The following SEZ6L variants were observed in gnomAD, a reference collection of about 807,000 sequenced individuals.
SEZ6L encodes the protein seizure related 6 homolog like, also known as seizure 6-like protein.
A neutral mutation model predicts 106.2 loss-of-function variants in SEZ6L; 37 were observed. The ratio of observed to expected loss-of-function variants is 0.35; its 90% confidence interval spans 0.27 to 0.46. The LOEUF is 0.46. Among genes scored for constraint, SEZ6L ranks in the 20% least tolerant of loss-of-function variants. SEZ6L has a pLI of 1.00. For synonymous variants in SEZ6L, 541 were observed against 570.4 expected (o/e 0.95, Z 0.73); for missense variants, 1,172 against 1,332.8 (o/e 0.88, Z 1.88).
intron 1 of SEZ6L, among the ~76,000 whole-genome samples, chr22:26,209,578 G>A (rs73417541): frequency 0.043 from 6,516 of 150,924 alleles, 480 homozygotes; most frequent in African/African-American, 0.15. Flanking sequence ...AAGGAAGAAA[G>A]ATGGATAGAT....
intron 10 of SEZ6L, among the ~76,000 whole-genome samples, chr22:26,343,535 A>G (rs1379857062): frequency 5.3e-5 from 8 of 152,142 alleles, no homozygotes; most frequent in Non-Finnish European, 5.9e-5. Context: ...CATTATCTCC[A>G]TTTCCAGAGG....
At chr22:26,292,132 G>A (rs976838764) in intron 1 of SEZ6L, 81 of 336,560 alleles carry the variant, frequency 2.4e-4, no homozygotes, top group Middle Eastern at 7.8e-4. Flanking sequence ...AGGGAGGGAG[G>A]AAAGAAAGAA....
rs2146096674 is a variant in SEZ6L, at chr22:26,381,247, T to TG, written c.*953dup. The TG allele has an allele frequency of 6.6e-6, 1 of 152,264 alleles. No individual in the cohort carries two copies. Among genetic ancestry groups the TG allele is most frequent in the Admixed American group, 6.5e-5 (1 of 15,276 alleles). 9.4% of individuals were successfully genotyped at this position (152,264 alleles called of 1,614,324 possible). ...TTGTGATGGGAAAAAGGAGGTGCCATGTTTGGAAATGCAGGGGTGAGCTCT... is the reference window on the plus strand; with the variant it reads ...TTGTGATGGGAAAAAGGAGGTGCCATGGTTTGGAAATGCAGGGGTGAGCTCT... On this transcript the variant is annotated 3_prime_UTR_variant, in exon 17 of 17. Coordinates refer to ENST00000248933, the MANE Select transcript of SEZ6L (RefSeq NM_021115.5).
chr22:26,208,882 G>C (rs1941450628), intron 1 of SEZ6L, among the ~76,000 whole-genome samples: 1 of 150,144 alleles, frequency 6.7e-6, no homozygotes, highest in African/African-American at 2.4e-5. Context: ...GTGTGTGTGT[G>C]TGTGTGTGTG....
intron 9 of SEZ6L, among the ~76,000 whole-genome samples, chr22:26,324,726 G>T (rs954915425): frequency 6.6e-6 from 1 of 152,172 alleles, no homozygotes; most frequent in Admixed American, 6.5e-5. Context: ...CCAAAAGTTC[G>T]AAGGAATTAG....
intron 1 of SEZ6L, among the ~76,000 whole-genome samples, chr22:26,170,511 C>T (rs937569828): frequency 6.6e-6 from 1 of 152,028 alleles, no homozygotes; most frequent in Non-Finnish European, 1.5e-5. Context: ...TCATCTACCA[C>T]GTGTTTGTTG....
At chr22:26,233,650 C>A (rs1187798953) in intron 1 of SEZ6L, among the ~76,000 whole-genome samples, 1 of 152,210 alleles carries the variant, frequency 6.6e-6, no homozygotes, top group Non-Finnish European at 1.5e-5. Context: ...TTCCCTCATT[C>A]TACATGTATT....
intron 1 of SEZ6L, among the ~76,000 whole-genome samples, chr22:26,215,250 A>T (rs1275761954): frequency 6.6e-6 from 1 of 152,216 alleles, no homozygotes; most frequent in African/African-American, 2.4e-5. Flanking sequence ...TTTTAGGTTC[A>T]CTAGGTATAT....
intron 1 of SEZ6L, among the ~76,000 whole-genome samples, chr22:26,284,628 A>C (rs992869932): frequency 3.4e-5 from 5 of 145,694 alleles, no homozygotes; most frequent in African/African-American, 5.5e-5. Context: ...AAAAAAAAAA[A>C]AAAACCCTAA....
chr22:26,286,801 G>A (rs2145870768), intron 1 of SEZ6L, among the ~76,000 whole-genome samples: 1 of 144,406 alleles, frequency 6.9e-6, no homozygotes, highest in Admixed American at 7.1e-5. Context: ...AGGCTGGTGT[G>A]CAGTGGCACA....
intron 1 of SEZ6L, among the ~76,000 whole-genome samples, chr22:26,208,872 G>C (rs1265889439): frequency 3.4e-5 from 5 of 148,810 alleles, no homozygotes; most frequent in African/African-American, 7.4e-5. Context: ...GTGTGTGTGT[G>C]TGTGTGTGTG....
At chr22:26,373,506 A>AT (rs2084113496) in intron 14 of SEZ6L, 23 bp downstream of exon 14, 4 of 1,585,440 alleles carry the variant, frequency 2.5e-6, no homozygotes, top group Non-Finnish European at 3.4e-6. Context: ...ACGAAAAAAA[A>AT]AAAAGTTCAA....
In SEZ6L at chr22:26,358,759, T is replaced by C. The variant is rs181658290; in HGVS notation, c.2600-6613T>C. Among the ~76,000 whole-genome samples the C allele has an allele frequency of 1.6e-4, 24 of 152,258 alleles. No individual in the cohort carries two copies. In the East Asian group the frequency reaches 3.1e-3, roughly 20 times the overall value. On this transcript the variant is annotated intron_variant, in intron 12 of 16. Transcript: ENST00000248933. ...GTTTTCAACCAGAGGCGATTTTGCT[T>C]TCCAGGGGACATGTGTAAATACAAT...
intron 8 of SEZ6L, among the ~76,000 whole-genome samples, chr22:26,313,489 A>G (rs969986003): frequency 6.6e-6 from 1 of 152,012 alleles, no homozygotes; most frequent in East Asian, 1.9e-4. Context: ...CTTGGTCTTG[A>G]AAGAGCAATA....
chr22:26,229,412 A>G (rs1360753549), intron 1 of SEZ6L, among the ~76,000 whole-genome samples: 2 of 152,200 alleles, frequency 1.3e-5, no homozygotes, highest in Non-Finnish European at 2.9e-5. Context: ...TATGTCAGTA[A>G]TGTCTCCAGC....
chr22:26,244,910 C>G (rs1015597480), intron 1 of SEZ6L, among the ~76,000 whole-genome samples: 2 of 152,066 alleles, frequency 1.3e-5, no homozygotes, highest in Non-Finnish European at 2.9e-5. Context: ...AATAGCAGAA[C>G]GAGGGGTTTG....
intron 13 of SEZ6L, among the ~76,000 whole-genome samples, chr22:26,369,576 G>T (rs950628007): frequency 1.3e-5 from 2 of 151,584 alleles, no homozygotes; most frequent in African/African-American, 4.9e-5. Context: ...TCCTGACCTC[G>T]TGATTCGCCC....
At chr22:26,317,135 TG>T (rs2082028809) in intron 9 of SEZ6L, among the ~76,000 whole-genome samples, 1 of 152,148 alleles carries the variant, frequency 6.6e-6, no homozygotes. Context: ...ACAGAGGGAA[TG>T]GATCAAAGGG....
rs1168974308 is a variant in SEZ6L at position 26,311,835 on chromosome 22, C to T, written c.1749C>T (p.Thr583=). ...GGAACTTCACTACATCCGACCCGACCTATAACATTGGGACTATAGTGGAGT... is the reference window on the plus strand; with the variant it reads ...GGAACTTCACTACATCCGACCCGACTTATAACATTGGGACTATAGTGGAGT... The part of the protein sequence containing the change: ...QNGNFTTSDP[T]YNIGTIVEFT... Residue 583 remains threonine (T), a synonymous_variant, in exon 8 of 17, where the codon ACC becomes ACT. Coordinates refer to ENST00000248933, the MANE Select transcript of SEZ6L (RefSeq NM_021115.5). 1 of 1,614,204 alleles carries T rather than the reference C, an allele frequency of 6.2e-7. No individual in the cohort carries two copies. The highest frequency in any genetic ancestry group is 2.2e-5 in the East Asian group (1 of 44,880).
Sources: allele counts gnomAD v4.1 joint callset (sites outside exome capture counted in the v4.1 genomes callset), GRCh38; gene constraint gnomAD v4.1.1; transcripts MANE v1.5; gene names NCBI Gene and HGNC (gene_info 2026-07-23, HGNC 2026-07-21).